Variants in TMTC2 observed in about 807,000 individuals in gnomAD.
TMTC2 encodes protein O-mannosyl-transferase TMTC2.
A neutral mutation model predicts 82.4 loss-of-function variants in TMTC2; 43 were observed. The observed-to-expected ratio is 0.52, with a 90% CI of 0.41 to 0.67. The LOEUF is 0.67. Among genes scored for constraint, TMTC2 ranks in the 30% least tolerant of loss-of-function variants. The pLI, the probability that TMTC2 is intolerant of heterozygous loss-of-function variation, is 0.00. For synonymous variants in TMTC2, 408 were observed against 381.9 expected, an observed-to-expected ratio of 1.07 and a Z score of -0.80; for missense variants, 919 against 1,012.4, an observed-to-expected ratio of 0.91 and a Z score of 1.25.
In TMTC2 at chr12:82,938,605, G is replaced by A. The variant is rs968495545; in HGVS notation, c.1598+8060G>A. Reference sequence around the variant, plus strand: ...TGAGAGATTTTGTTATAATGCTGTTGGCTTGAGGTCACCAGTGCTCTTGGT... The same window carrying A: ...TGAGAGATTTTGTTATAATGCTGTTAGCTTGAGGTCACCAGTGCTCTTGGT... On this transcript the variant is annotated intron_variant, in intron 4 of 11. Coordinates refer to ENST00000321196, the MANE Select transcript of TMTC2 (RefSeq NM_152588.3). Among the ~76,000 whole-genome samples, 17 of 152,232 alleles carry A rather than the reference G, an allele frequency of 1.1e-4. No homozygotes were observed. The South Asian group carries it at 3.5e-3, about 32-fold the overall frequency.
chr12:82,818,010 G>T (rs980743480), intron 1 of TMTC2, among the ~76,000 whole-genome samples: 1 of 152,086 alleles, frequency 6.6e-6, no homozygotes, highest in African/African-American at 2.4e-5. Flanking sequence ...AGGAAGGAAT[G>T]AGCTACAGCT....
chr12:83,068,350 C>CA (rs909595595), intron 11 of TMTC2, among the ~76,000 whole-genome samples: 7 of 151,638 alleles, frequency 4.6e-5, no homozygotes, highest in African/African-American at 1.7e-4. Context: ...CTAATTAGAA[C>CA]AAAAAAACAT....
chr12:83,018,498 T>C (rs1880776030), intron 8 of TMTC2, among the ~76,000 whole-genome samples: 1 of 152,218 alleles, frequency 6.6e-6, no homozygotes, highest in African/African-American at 2.4e-5. Flanking sequence ...GTTGGAGTCA[T>C]GGCTAATAGC....
intron 3 of TMTC2, among the ~76,000 whole-genome samples, chr12:82,928,528 G>A (rs1343234525): frequency 6.6e-6 from 1 of 152,082 alleles, no homozygotes; most frequent in Non-Finnish European, 1.5e-5. Context: ...TTAATTTAAA[G>A]GATACAATTT....
At chr12:82,987,354 G>T (rs894598666) in intron 8 of TMTC2, among the ~76,000 whole-genome samples, 2 of 134,522 alleles carry the variant, frequency 1.5e-5, no homozygotes, top group Admixed American at 8.8e-5. Flanking sequence ...AACCCAGAAG[G>T]CCAAGGTTGC....
At chr12:83,060,441 A>G (rs78211404) in intron 10 of TMTC2, among the ~76,000 whole-genome samples, 9,678 of 151,644 alleles carry the variant, frequency 0.064, 1,012 homozygotes, top group African/African-American at 0.22. Context: ...TGTTTTTCTA[A>G]TTGAGAAAGT....
At chr12:83,022,641 C>G (rs890960563) in intron 8 of TMTC2, among the ~76,000 whole-genome samples, 3 of 151,652 alleles carry the variant, frequency 2.0e-5, no homozygotes, top group African/African-American at 7.3e-5. Context: ...TCTTGAGGTA[C>G]TTACTTTGAC....
At chr12:82,863,998 G>C (rs1177500757) in intron 2 of TMTC2, among the ~76,000 whole-genome samples, 1 of 152,172 alleles carries the variant, frequency 6.6e-6, no homozygotes, top group Non-Finnish European at 1.5e-5. Flanking sequence ...TTCTGGAGCA[G>C]AGACATTTGA....
At chr12:83,110,043 T>C (rs1884547062) in intron 11 of TMTC2, among the ~76,000 whole-genome samples, 2 of 152,326 alleles carry the variant, frequency 1.3e-5, no homozygotes, top group South Asian at 4.1e-4. Context: ...TAGTATATCT[T>C]CACCTGTCAT....
Position 82,853,351 on chromosome 12 carries a change from C to T in TMTC2, c.84-3659C>T, listed in dbSNP as rs187354894. Among the ~76,000 whole-genome samples, 15 of 152,250 alleles carry T rather than the reference C, an allele frequency of 9.9e-5. No individual in the cohort carries two copies. The East Asian group carries it at 1.7e-3, about 18-fold the overall frequency. ...CTCCTGACCACAGGTGATCCACTTG[C>T]GTCAGACTTCCAAAGTGCTGGGATT... On this transcript the variant is annotated intron_variant, in intron 1 of 11. Coordinates refer to ENST00000321196, the MANE Select transcript of TMTC2 (RefSeq NM_152588.3).
At chr12:83,023,552 T>C (rs1191093457) in intron 8 of TMTC2, among the ~76,000 whole-genome samples, 2 of 152,210 alleles carry the variant, frequency 1.3e-5, no homozygotes, top group East Asian at 3.9e-4. Flanking sequence ...AGGGAGGCTG[T>C]CCTGGCCATC....
intron 11 of TMTC2, among the ~76,000 whole-genome samples, chr12:83,121,941 G>A (rs1884960817): frequency 6.6e-6 from 1 of 152,118 alleles, no homozygotes; most frequent in Admixed American, 6.5e-5. Flanking sequence ...GGGGAAAGCT[G>A]GCAGTCCCAG....
At chr12:82,786,697 T>G (rs527961474) in intron 1 of TMTC2, among the ~76,000 whole-genome samples, 1 of 152,274 alleles carries the variant, frequency 6.6e-6, no homozygotes, top group South Asian at 2.1e-4. Context: ...TCCCTTTGTC[T>G]CAACAGTGAT....
intron 11 of TMTC2, among the ~76,000 whole-genome samples, chr12:83,093,839 G>C (rs1301544292): frequency 1.3e-5 from 2 of 152,130 alleles, no homozygotes; most frequent in African/African-American, 4.8e-5. Context: ...CTAGGAAATG[G>C]GACTTTAAGA....
intron 4 of TMTC2, among the ~76,000 whole-genome samples, chr12:82,937,789 TATATATACACAC>T (rs1165860892): frequency 8.8e-5 from 2 of 22,840 alleles, no homozygotes; most frequent in African/African-American, 2.5e-4. Context: ...TATATATATA[TATATATACACAC>T]ATATATATAT....
In TMTC2 at chr12:82,687,483, G is replaced by A; in HGVS notation, c.-104G>A. On this transcript the variant is annotated 5_prime_UTR_variant, in exon 1 of 12. Transcript: ENST00000321196. Reference sequence around the variant, plus strand: ...GGTGGGGAAGCGAGGGAAAAGTGAAGCTGGGAGGAGAAGGCGGCGGAAGGT... The same window carrying A: ...GGTGGGGAAGCGAGGGAAAAGTGAAACTGGGAGGAGAAGGCGGCGGAAGGT... 9.0e-7 allele frequency: 1 copy of A among 1,114,974 alleles called. No individual in the cohort carries two copies. The highest frequency in any genetic ancestry group is 1.3e-6 in the Non-Finnish European group (1 of 765,030). The allele number at this position is 1,114,974 out of a possible 1,614,324, so 69.1% of individuals were successfully genotyped here. A position where few individuals can be genotyped will look rare whatever the true frequency, so the allele number is the denominator to read the frequency against.
intron 9 of TMTC2, among the ~76,000 whole-genome samples, chr12:83,039,164 C>T (rs1881794945): frequency 6.6e-6 from 1 of 152,068 alleles, no homozygotes; most frequent in African/African-American, 2.4e-5. Flanking sequence ...AACTCCTGAC[C>T]TCAGGTGATC....
chr12:83,120,373 T>C (rs976806359), intron 11 of TMTC2, among the ~76,000 whole-genome samples: 5 of 152,192 alleles, frequency 3.3e-5, no homozygotes, highest in South Asian at 4.1e-4. Context: ...TCAGCATTTG[T>C]TTGTCTGAAA....
At chr12:82,800,825 G>C (rs1878959858) in intron 1 of TMTC2, among the ~76,000 whole-genome samples, 1 of 152,044 alleles carries the variant, frequency 6.6e-6, no homozygotes, top group Non-Finnish European at 1.5e-5. Context: ...GCATTTATTT[G>C]GAAATATGAA....
Sources: allele counts gnomAD v4.1 joint callset (sites outside exome capture counted in the v4.1 genomes callset), GRCh38; gene constraint gnomAD v4.1.1; transcripts MANE v1.5; gene names NCBI Gene and HGNC (gene_info 2026-07-23, HGNC 2026-07-21).